RSPO3: variants seen among roughly 807,000 people sequenced by gnomAD.
RSPO3 encodes the protein R-spondin-3.
In RSPO3, 17 loss-of-function variants were observed where a neutral mutation model predicts 36.5. That is an observed-to-expected ratio of 0.47 (90% CI 0.32 to 0.70). The LOEUF (loss-of-function observed/expected upper bound fraction) is 0.70, where lower values mean the gene tolerates loss of function less well. RSPO3 is among the 30% of genes least tolerant of loss of function. RSPO3 has a pLI of 0.04. For missense variants in RSPO3, 294 were observed against 322.5 expected (o/e 0.91, Z 0.68); for synonymous variants, 108 against 107.0 (o/e 1.01, Z -0.06).
At chr6:127,174,330 T>C (rs1337509621) in intron 4 of RSPO3, among the ~76,000 whole-genome samples, 1 of 151,908 alleles carries the variant, frequency 6.6e-6, no homozygotes, top group East Asian at 1.9e-4. Flanking sequence ...ATTAGAGATT[T>C]GCAAATTCAA....
chr6:127,198,636 G>A lies in RSPO3; in HGVS notation c.*2629G>A, dbSNP rs963521114. Among the ~76,000 whole-genome samples, 1 of 152,140 alleles carries A rather than the reference G, an allele frequency of 6.6e-6. No homozygotes were observed. Among genetic ancestry groups the A allele is most frequent in the Non-Finnish European group, 1.5e-5 (1 of 68,016 alleles). ...TGATCAAGCTCCTGCCCTGTTCTCC[G>A]AATTCAGCTTCATAATTAAGGGAAG... On this transcript the variant is annotated 3_prime_UTR_variant, in exon 5 of 5. Transcript: ENST00000356698.
chr6:127,147,490 A>C (rs1445324876), intron 1 of RSPO3, among the ~76,000 whole-genome samples: 1 of 152,074 alleles, frequency 6.6e-6, no homozygotes, highest in Non-Finnish European at 1.5e-5. Context: ...TCTTCAAAGG[A>C]CAATAAAGCT....
At chr6:127,155,520 G>A in intron 4 of RSPO3, 82 bp downstream of exon 4, 1 of 1,300,480 alleles carries the variant, frequency 7.7e-7, no homozygotes, top group South Asian at 1.3e-5. Flanking sequence ...TGAAACACTT[G>A]GCATTATCTT....
chr6:127,134,916 T>C (rs952225245), intron 1 of RSPO3, among the ~76,000 whole-genome samples: 2 of 152,298 alleles, frequency 1.3e-5, no homozygotes, highest in East Asian at 3.9e-4. Flanking sequence ...GCTTTCCCAA[T>C]ACACCCTGCT....
At position 127,196,750 on chromosome 6, in the gene RSPO3, C is replaced by T. The variant is rs1775522772; in HGVS notation, c.*743C>T. ...ATGTTAGCACTATGTGGCTCAGCCT[C>T]TGTTACCCCTTGGATTATATATCAA... On this transcript the variant is annotated 3_prime_UTR_variant, in exon 5 of 5. Transcript: ENST00000356698. 1 of 152,502 alleles carries T rather than the reference C, an allele frequency of 6.6e-6. No homozygotes were observed. The highest frequency in any genetic ancestry group is 2.4e-5 in the African/African-American group (1 of 41,442). 9.4% of individuals were successfully genotyped at this position (152,502 alleles called of 1,614,324 possible). A position where few individuals can be genotyped will look rare whatever the true frequency, so the allele number is the denominator to read the frequency against.
intron 4 of RSPO3, among the ~76,000 whole-genome samples, chr6:127,159,707 G>A (rs1275146093): frequency 6.9e-6 from 1 of 145,362 alleles, no homozygotes; most frequent in Non-Finnish European, 1.5e-5. Context: ...GGAGTGCAGT[G>A]GCGCGATCTC....
At chr6:127,154,439 C>T (rs2114591107) in intron 3 of RSPO3, among the ~76,000 whole-genome samples, 1 of 152,184 alleles carries the variant, frequency 6.6e-6, no homozygotes, top group East Asian at 1.9e-4. Context: ...CCAAAAGAAG[C>T]TTCAGAAAAA....
intron 1 of RSPO3, among the ~76,000 whole-genome samples, chr6:127,146,816 C>T (rs1051918284): frequency 2.0e-5 from 3 of 152,100 alleles, no homozygotes; most frequent in Non-Finnish European, 4.4e-5. Flanking sequence ...CTACACCTCT[C>T]GCTTCTTGAA....
At chr6:127,175,085 A>G (rs1775024609) in intron 4 of RSPO3, among the ~76,000 whole-genome samples, 1 of 151,758 alleles carries the variant, frequency 6.6e-6, no homozygotes, top group Non-Finnish European at 1.5e-5. Flanking sequence ...CAAAAACGTG[A>G]TTTTCCCCAG....
At chr6:127,149,118 T>C (rs990436446) in intron 2 of RSPO3, among the ~76,000 whole-genome samples, 1 of 152,120 alleles carries the variant, frequency 6.6e-6, no homozygotes, top group Non-Finnish European at 1.5e-5. Context: ...ACTGCAAGCC[T>C]CAATTCCATC....
intron 4 of RSPO3, among the ~76,000 whole-genome samples, chr6:127,158,261 T>TC (rs1774632739): frequency 6.6e-6 from 1 of 152,004 alleles, no homozygotes; most frequent in South Asian, 2.1e-4. Flanking sequence ...AGACATGACT[T>TC]CCCCTCACAC....
chr6:127,119,414 G>A (rs1403517782), intron 1 of RSPO3, 125 bp downstream of exon 1: 3 of 701,886 alleles, frequency 4.3e-6, no homozygotes, highest in Admixed American at 2.5e-5. Context: ...CAGAGGAGAT[G>A]CAGGTTCGGG....
intron 1 of RSPO3, among the ~76,000 whole-genome samples, chr6:127,124,008 A>C (rs1035509483): frequency 5.9e-5 from 9 of 152,042 alleles, no homozygotes; most frequent in Non-Finnish European, 1.2e-4. Context: ...TAAATGTCTA[A>C]AATATTTTCT....
intron 4 of RSPO3, among the ~76,000 whole-genome samples, chr6:127,156,452 T>C (rs1400028238): frequency 6.6e-6 from 1 of 152,180 alleles, no homozygotes; most frequent in Non-Finnish European, 1.5e-5. Flanking sequence ...TACAAATATG[T>C]TGTGTAGTTT....
intron 4 of RSPO3, 150 bp downstream of exon 4, chr6:127,155,588 G>A (rs1774580178): frequency 1.3e-6 from 1 of 758,086 alleles, no homozygotes; most frequent in Non-Finnish European, 2.1e-6. Flanking sequence ...GTAAATTACA[G>A]AATATAGATG....
rs763857162 is a variant in RSPO3, at chr6:127,119,300, GGTTTTTTACGC to G, written c.97+16_97+26del. 6.2e-7 allele frequency: 1 copy of G among 1,602,558 alleles called. No homozygotes were observed. The highest frequency in any genetic ancestry group is 8.5e-7 in the Non-Finnish European group (1 of 1,170,386). ...GGCGCCAGCGAAGAAGTAAGTGCAG[GGTTTTTTACGC>G]GTTTGCTCCCTCCCGCCGCGTTCAC... On this transcript the variant is annotated intron_variant, in intron 1 of 4. Transcript: ENST00000356698.
intron 4 of RSPO3, among the ~76,000 whole-genome samples, chr6:127,177,417 C>A (rs966301919): frequency 6.6e-6 from 1 of 151,780 alleles, no homozygotes; most frequent in African/African-American, 2.4e-5. Context: ...GCCATACAAG[C>A]AGGCAGGAGT....
chr6:127,185,615 C>T lies in RSPO3; in HGVS notation c.635-10208C>T, dbSNP rs1462821173. Among the ~76,000 whole-genome samples, 8 of 152,034 alleles carry T rather than the reference C, an allele frequency of 5.3e-5. No homozygotes were observed. The East Asian group carries it at 1.5e-3, about 29-fold the overall frequency. On this transcript the variant is annotated intron_variant, in intron 4 of 4. Transcript: ENST00000356698. ...GTAGCTAAAATTGCATGGAGTGAGA[C>T]ACATGATACGTGGAGCAGCACAAAT...
intron 4 of RSPO3, among the ~76,000 whole-genome samples, chr6:127,171,431 G>A (rs1774932476): frequency 6.6e-6 from 1 of 151,580 alleles, no homozygotes; most frequent in Non-Finnish European, 1.5e-5. Flanking sequence ...AACATGCTGG[G>A]CTTTGTATTT....
Sources: gnomAD v4.1 joint callset for allele counts (sites outside exome capture counted in the v4.1 genomes callset) on GRCh38, gnomAD v4.1.1 for gene constraint, MANE v1.5 for transcripts, NCBI Gene and HGNC (gene_info 2026-07-23, HGNC 2026-07-21) for gene names.